DSCAM: variants seen among roughly 807,000 people sequenced by gnomAD.
The protein encoded by DSCAM is DS cell adhesion molecule.
DSCAM carries 47 observed loss-of-function variants against 217.7 expected under a neutral mutation model. That is an observed-to-expected ratio of 0.22 (90% CI 0.17 to 0.28). DSCAM has a LOEUF of 0.28. Among genes scored for constraint, DSCAM ranks in the 10% least tolerant of loss-of-function variants. The probability of loss-of-function intolerance (pLI) is 1.00; values close to 1 mark genes in which losing one functional copy is unlikely to be tolerated. For missense variants in DSCAM, 2,080 were observed against 2,618.3 expected (o/e 0.79, Z 4.49); for synonymous variants, 1,056 against 1,015.3 (o/e 1.04, Z -0.76).
chr21:40,817,201 T>A (rs1037180432), intron 1 of DSCAM, among the ~76,000 whole-genome samples: 1 of 152,132 alleles, frequency 6.6e-6, no homozygotes, highest in African/African-American at 2.4e-5. Flanking sequence ...CAGCTCCGGC[T>A]TCCCCTTCCA....
chr21:40,489,242 C>T (rs1378522261), intron 3 of DSCAM, among the ~76,000 whole-genome samples: 1 of 152,150 alleles, frequency 6.6e-6, no homozygotes, highest in Non-Finnish European at 1.5e-5. Context: ...GTGACCTCAT[C>T]CAATCAGTTA....
intron 20 of DSCAM, among the ~76,000 whole-genome samples, chr21:40,100,692 A>ATAAACACTGC (rs1160242663): frequency 6.6e-6 from 1 of 151,658 alleles, no homozygotes; most frequent in African/African-American, 2.4e-5. Context: ...AGGACAACAG[A>ATAAACACTGC]TAAACACTGC....
chr21:40,227,057 T>G (rs1054835395), intron 11 of DSCAM, among the ~76,000 whole-genome samples: 1 of 152,222 alleles, frequency 6.6e-6, no homozygotes, highest in Non-Finnish European at 1.5e-5. Context: ...GCTCCATCCA[T>G]GTCCCTGCAA....
intron 20 of DSCAM, among the ~76,000 whole-genome samples, chr21:40,119,000 G>A (rs939156672): frequency 2.4e-4 from 37 of 152,152 alleles, no homozygotes; most frequent in African/African-American, 8.7e-4. Flanking sequence ...CTATGTCAGC[G>A]CCTCAGAGAT....
At chr21:40,815,592 A>G (rs1380443138) in intron 1 of DSCAM, among the ~76,000 whole-genome samples, 1 of 152,214 alleles carries the variant, frequency 6.6e-6, no homozygotes, top group Non-Finnish European at 1.5e-5. Context: ...TGAGAAAGTG[A>G]TAATAATGGA....
intron 3 of DSCAM, among the ~76,000 whole-genome samples, chr21:40,517,269 T>A (rs1430979633): frequency 6.7e-6 from 1 of 149,788 alleles, no homozygotes; most frequent in East Asian, 1.9e-4. Context: ...ACCTTATATA[T>A]TTATATTTGT....
intron 20 of DSCAM, among the ~76,000 whole-genome samples, chr21:40,118,009 T>C (rs2089991771): frequency 6.6e-6 from 1 of 151,946 alleles, no homozygotes; most frequent in Non-Finnish European, 1.5e-5. Flanking sequence ...ATATGAGACA[T>C]GGTATTACTT....
At chr21:40,797,847 G>A (rs2091705427) in intron 1 of DSCAM, among the ~76,000 whole-genome samples, 2 of 151,410 alleles carry the variant, frequency 1.3e-5, no homozygotes, top group Admixed American at 6.6e-5. Flanking sequence ...AGGATCTGGT[G>A]TTTTCTAATT....
At chr21:40,245,997 T>C (rs1224676394) in intron 11 of DSCAM, among the ~76,000 whole-genome samples, 1 of 152,094 alleles carries the variant, frequency 6.6e-6, no homozygotes, top group Non-Finnish European at 1.5e-5. Context: ...AGATTTTTGT[T>C]CTCTGTATCT....
At chr21:40,745,501 A>T (rs1319509633) in intron 1 of DSCAM, among the ~76,000 whole-genome samples, 1 of 152,176 alleles carries the variant, frequency 6.6e-6, no homozygotes, top group Non-Finnish European at 1.5e-5. Context: ...TTGGGATGAT[A>T]TATTCAAAGT....
intron 1 of DSCAM, among the ~76,000 whole-genome samples, chr21:40,805,576 C>G (rs1423035151): frequency 6.6e-6 from 1 of 152,184 alleles, no homozygotes; most frequent in African/African-American, 2.4e-5. Context: ...CGCCATGACC[C>G]CTTGACCCCT....
chr21:40,549,187 C>CA (rs1376531852), intron 3 of DSCAM, among the ~76,000 whole-genome samples: 14 of 151,534 alleles, frequency 9.2e-5, no homozygotes, highest in South Asian at 2.1e-4. Context: ...GACCCTGTCT[C>CA]AAAAAAAACA....
chr21:40,782,754 T>C (rs952908859), intron 1 of DSCAM, among the ~76,000 whole-genome samples: 4 of 151,492 alleles, frequency 2.6e-5, no homozygotes, highest in Non-Finnish European at 4.4e-5. Flanking sequence ...ATAAAATAAA[T>C]AAAAAAAAAT....
chr21:40,668,078 A>G (rs886103715), intron 3 of DSCAM, among the ~76,000 whole-genome samples: 6 of 152,204 alleles, frequency 3.9e-5, no homozygotes, highest in African/African-American at 1.4e-4. Context: ...GCATGTTTAG[A>G]GATACCAAAT....
rs576339683 is a variant in DSCAM, at chr21:40,139,834, TGTG to T, written c.3406+2721_3406+2723del. Among the ~76,000 whole-genome samples, 29 of 149,230 alleles carry T rather than the reference TGTG, an allele frequency of 1.9e-4. No homozygotes were observed. In the South Asian group the frequency reaches 6.0e-3, roughly 31 times the overall value. Reference sequence around the variant, plus strand: ...TGGTGTGTGTGTGTGGTATGCGTGGTGTGGTATGTGTGGTGTATGTGGGGTGTG... The same window carrying T: ...TGGTGTGTGTGTGTGGTATGCGTGGTGTATGTGTGGTGTATGTGGGGTGTG... On this transcript the variant is annotated intron_variant, in intron 18 of 32. Transcript: ENST00000400454.
chr21:40,345,422 C>T (rs2074546989), intron 6 of DSCAM, among the ~76,000 whole-genome samples: 1 of 152,110 alleles, frequency 6.6e-6, no homozygotes, highest in Non-Finnish European at 1.5e-5. Context: ...TATACTTTTG[C>T]TTTTCCCAAA....
At chr21:40,711,198 A>C (rs1282532572) in intron 1 of DSCAM, among the ~76,000 whole-genome samples, 1 of 152,044 alleles carries the variant, frequency 6.6e-6, no homozygotes, top group Non-Finnish European at 1.5e-5. Flanking sequence ...CTCTGTATAG[A>C]GTGGGTCTAT....
At chr21:40,499,895 C>T (rs902042700) in intron 3 of DSCAM, among the ~76,000 whole-genome samples, 5 of 152,152 alleles carry the variant, frequency 3.3e-5, no homozygotes, top group African/African-American at 1.2e-4. Flanking sequence ...ATTCTCTTGC[C>T]TCAGCCTCCT....
intron 8 of DSCAM, among the ~76,000 whole-genome samples, chr21:40,328,462 A>G (rs1381714271): frequency 2.0e-5 from 3 of 152,190 alleles, no homozygotes; most frequent in African/African-American, 7.2e-5. Context: ...GATGTCTCTA[A>G]TGCCATATAC....
Sources: allele counts gnomAD v4.1 joint callset (sites outside exome capture counted in the v4.1 genomes callset), GRCh38; gene constraint gnomAD v4.1.1; transcripts MANE v1.5; gene names NCBI Gene and HGNC (gene_info 2026-07-23, HGNC 2026-07-21).